The following AGBL4 variants were observed in gnomAD, a reference collection of about 807,000 sequenced individuals.
The protein encoded by AGBL4 is cytosolic carboxypeptidase 6.
AGBL4 carries 58 observed loss-of-function variants against 66.4 expected under a neutral mutation model. The ratio of observed to expected loss-of-function variants is 0.87; its 90% CI spans 0.71 to 1.09. The LOEUF is 1.09. Ranked by LOEUF, AGBL4 falls within the 50% of genes least tolerant of loss-of-function variation. AGBL4 has a pLI of 0.00. For missense variants in AGBL4, 579 were observed against 631.0 expected (o/e 0.92, Z 0.88); for synonymous variants, 234 against 222.9 (o/e 1.05, Z -0.44).
intron 5 of AGBL4, among the ~76,000 whole-genome samples, chr1:48,965,431 A>G (rs114090137): frequency 6.6e-6 from 1 of 152,196 alleles, no homozygotes; most frequent in Non-Finnish European, 1.5e-5. Context: ...ACCTGCAATT[A>G]AAATTAAAGT....
chr1:49,119,498 T>C (rs1645606590), intron 4 of AGBL4, among the ~76,000 whole-genome samples: 1 of 152,186 alleles, frequency 6.6e-6, no homozygotes, highest in African/African-American at 2.4e-5. Context: ...TTCCATGTAG[T>C]TGTGTGGTTT....
intron 2 of AGBL4, among the ~76,000 whole-genome samples, chr1:49,724,556 T>C (rs1262838025): frequency 6.6e-6 from 1 of 152,096 alleles, no homozygotes; most frequent in Non-Finnish European, 1.5e-5. Context: ...CTTAATCCGG[T>C]TTATGGATAA....
chr1:48,863,636 C>T (rs940447554), intron 6 of AGBL4, among the ~76,000 whole-genome samples: 36 of 151,728 alleles, frequency 2.4e-4, no homozygotes, highest in African/African-American at 8.0e-4. Flanking sequence ...GCAATAGTAT[C>T]GAGAAGAAAA....
intron 3 of AGBL4, among the ~76,000 whole-genome samples, chr1:49,287,474 G>A (rs1312013833): frequency 6.7e-6 from 1 of 149,758 alleles, no homozygotes; most frequent in Non-Finnish European, 1.5e-5. Flanking sequence ...TCTGACAAAG[G>A]GCTAATATCC....
chr1:48,940,282 G>A (rs530981668), intron 5 of AGBL4, among the ~76,000 whole-genome samples: 1 of 152,282 alleles, frequency 6.6e-6, no homozygotes, highest in African/African-American at 2.4e-5. Context: ...GGAGGCTGAG[G>A]CAGAAGAATT....
At chr1:48,662,969 C>G (rs6697772) in intron 7 of AGBL4, among the ~76,000 whole-genome samples, 183 bp downstream of exon 7, 1 of 152,092 alleles carries the variant, frequency 6.6e-6, no homozygotes, top group Non-Finnish European at 1.5e-5. Flanking sequence ...TTCATACATA[C>G]GTCTAGTCAA....
downstream of AGBL4, among the ~76,000 whole-genome samples, chr1:48,527,859 T>C (rs562133639): frequency 2.0e-5 from 3 of 152,240 alleles, no homozygotes; most frequent in East Asian, 3.9e-4. Flanking sequence ...TCGGATGATA[T>C]CCAGGCTCCT....
At chr1:48,614,014 A>G (rs1240135443) in intron 9 of AGBL4, among the ~76,000 whole-genome samples, 4 of 152,218 alleles carry the variant, frequency 2.6e-5, no homozygotes, top group Non-Finnish European at 1.5e-5. Context: ...AATTAGAGAA[A>G]GAGTTGGAAA....
At chr1:49,398,971 A>T (rs1645029132) in intron 3 of AGBL4, among the ~76,000 whole-genome samples, 1 of 151,972 alleles carries the variant, frequency 6.6e-6, no homozygotes, top group Non-Finnish European at 1.5e-5. Flanking sequence ...TTCATTAACA[A>T]TCCCCATTTC....
chr1:48,940,392 AAG>A (rs1201773041), intron 5 of AGBL4, among the ~76,000 whole-genome samples: 1 of 152,132 alleles, frequency 6.6e-6, no homozygotes, highest in Non-Finnish European at 1.5e-5. Flanking sequence ...AAAAAAAAAG[AAG>A]AGTTGAGGAA....
At position 48,879,318 on chromosome 1, in the gene AGBL4, C is replaced by T. The variant is rs149681942; in HGVS notation, c.595-12088G>A. On this transcript the variant is annotated intron_variant, in intron 5 of 13. Transcript: ENST00000371839. ...GCACGAGTGTGCACACAAGCATACTCGCTTGTGTTTAGAAGTAGCACGCAA... is the reference window on the plus strand; with the variant it reads ...GCACGAGTGTGCACACAAGCATACTTGCTTGTGTTTAGAAGTAGCACGCAA... 2.3e-3 allele frequency among the ~76,000 whole-genome samples: 355 copies of T among 151,978 alleles called. 1 individual carries two copies. Among genetic ancestry groups the T allele is most frequent in the Non-Finnish European group, 4.2e-3 (287 of 67,956 alleles).
chr1:48,737,916 A>G (rs1401567330), intron 6 of AGBL4, among the ~76,000 whole-genome samples: 1 of 152,208 alleles, frequency 6.6e-6, no homozygotes, highest in African/African-American at 2.4e-5. Flanking sequence ...TCTAAGGGAC[A>G]TGAGAAGGAC....
intron 5 of AGBL4, among the ~76,000 whole-genome samples, chr1:48,984,296 A>G (rs1195739850): frequency 6.6e-6 from 1 of 151,686 alleles, no homozygotes; most frequent in African/African-American, 2.4e-5. Flanking sequence ...GTCCATGGTC[A>G]CACAATGAAT....
rs192879201 is a variant in AGBL4, at chr1:48,932,388, G to A, written c.595-65158C>T. Among the ~76,000 whole-genome samples, 210 of 152,262 alleles carry A rather than the reference G, an allele frequency of 1.4e-3. 1 individual carries two copies. The highest frequency in any genetic ancestry group is 4.7e-3 in the African/African-American group (197 of 41,554). Reference sequence around the variant, plus strand: ...GAAATTAATGGAAAGGAAATGCCCAGGAAAGGAAAGATGCTGTTACTCGTT... The same window carrying A: ...GAAATTAATGGAAAGGAAATGCCCAAGAAAGGAAAGATGCTGTTACTCGTT... On this transcript the variant is annotated intron_variant, in intron 5 of 13. Coordinates refer to ENST00000371839, the MANE Select transcript of AGBL4 (RefSeq NM_032785.4).
chr1:48,950,561 A>G (rs1007370558), intron 5 of AGBL4, among the ~76,000 whole-genome samples: 4 of 152,224 alleles, frequency 2.6e-5, no homozygotes, highest in African/African-American at 4.8e-5. Context: ...CAGAGTGCCA[A>G]TGGCTCAGTA....
chr1:48,686,271 C>T (rs757047608), intron 6 of AGBL4, among the ~76,000 whole-genome samples: 1 of 152,202 alleles, frequency 6.6e-6, no homozygotes, highest in African/African-American at 2.4e-5. Context: ...CCACAGTCCA[C>T]GCATGGCTTA....
chr1:49,707,395 C>CATTT (rs1491498342), intron 2 of AGBL4, among the ~76,000 whole-genome samples: 2 of 58,130 alleles, frequency 3.4e-5, no homozygotes, highest in Non-Finnish European at 6.9e-5. Flanking sequence ...TTTTGCTTAT[C>CATTT]ATTTGGTTGG....
intron 11 of AGBL4, chr1:48,585,471 T>C (rs1036049407): frequency 1.3e-5 from 2 of 152,272 alleles, no homozygotes; most frequent in African/African-American, 4.8e-5. Flanking sequence ...ATAGGCCATA[T>C]GCATCATCTA....
Position 48,756,631 on chromosome 1 carries a change from G to A in AGBL4, c.635-93390C>T, listed in dbSNP as rs114503140. Among the ~76,000 whole-genome samples the A allele has an allele frequency of 3.7e-3, 556 of 152,322 alleles. 3 individuals are homozygous for A. Among genetic ancestry groups the A allele is most frequent in the African/African-American group, 0.013 (521 of 41,566 alleles). ...GGAAGTTGGGATTTGAATCCAAGCC[G>A]TGAAAACATACAACCTCCTCTTAAG... On this transcript the variant is annotated intron_variant, in intron 6 of 13. Coordinates refer to ENST00000371839, the MANE Select transcript of AGBL4 (RefSeq NM_032785.4).
Sources: allele counts gnomAD v4.1 joint callset (sites outside exome capture counted in the v4.1 genomes callset), GRCh38; gene constraint gnomAD v4.1.1; transcripts MANE v1.5; gene names NCBI Gene and HGNC (gene_info 2026-07-23, HGNC 2026-07-21).